Variants in PRL observed in about 807,000 individuals in gnomAD.
PRL encodes the protein prolactin, also known as decidual prolactin.
Under a neutral mutation model 21.3 loss-of-function variants are expected in PRL, and 24 were observed. The observed-to-expected ratio is 1.13, with a 90% CI of 0.82 to 1.59. The LOEUF (loss-of-function observed/expected upper bound fraction) is 1.59. Ranked by LOEUF, PRL falls within the 40% of genes most tolerant of loss-of-function variation. The pLI is 0.00. For missense variants in PRL, 243 were observed against 286.9 expected (o/e 0.85, Z 1.10); for synonymous variants, 118 against 115.7 (o/e 1.02, Z -0.13).
chr6:22,294,851 C>T (rs938676469), intron 1 of PRL, among the ~76,000 whole-genome samples: 10 of 152,196 alleles, frequency 6.6e-5, no homozygotes, highest in African/African-American at 1.9e-4. Flanking sequence ...ACTTTCCAAA[C>T]ATTTGGAGCT....
upstream of PRL, among the ~76,000 whole-genome samples, chr6:22,300,710 C>G (rs944820714): frequency 1.3e-5 from 2 of 152,098 alleles, no homozygotes; most frequent in Non-Finnish European, 2.9e-5. Context: ...CATCAGTTTC[C>G]CTCAGTGAAT....
chr6:22,296,998 AGGAAACACACTTCACCAGAGAAGATCT>A lies in PRL; in HGVS notation c.-43_-17del. On this transcript the variant is annotated 5_prime_UTR_variant, in exon 1 of 5. Transcript: ENST00000306482. Reference sequence around the variant, plus strand: ...TGATGTTCATGTTCGTGATCGTTGCAGGAAACACACTTCACCAGAGAAGATCTGGAAGTCTCACGGTTTTCTCTTTCC... The same window carrying A: ...TGATGTTCATGTTCGTGATCGTTGCAGGAAGTCTCACGGTTTTCTCTTTCC... The A allele has an allele frequency of 6.2e-7, 1 of 1,613,898 alleles. No homozygotes were observed. Among genetic ancestry groups the A allele is most frequent in the Non-Finnish European group, 8.5e-7 (1 of 1,179,868 alleles).
upstream of PRL, among the ~76,000 whole-genome samples, chr6:22,300,673 G>A (rs1761267446): frequency 6.6e-6 from 1 of 152,190 alleles, no homozygotes; most frequent in South Asian, 2.1e-4. Context: ...CATGTTCAGT[G>A]TTTGTTTTTG....
upstream of PRL, among the ~76,000 whole-genome samples, chr6:22,301,179 C>T (rs1031916958): frequency 3.9e-5 from 6 of 152,206 alleles, no homozygotes; most frequent in Admixed American, 1.3e-4. Context: ...TGAAGCATGC[C>T]TACTTCTAGC....
chr6:22,297,213 C>T, upstream of PRL: 1 of 557,312 alleles, frequency 1.8e-6, no homozygotes, highest in Non-Finnish European at 3.2e-6. Context: ...GACATACTGG[C>T]CAGAAATGAA....
intron 3 of PRL, among the ~76,000 whole-genome samples, chr6:22,292,161 C>T (rs987915350): frequency 1.3e-5 from 2 of 152,078 alleles, no homozygotes; most frequent in Non-Finnish European, 2.9e-5. Flanking sequence ...GTAGGAGTCA[C>T]GAGTAATATG....
upstream of PRL, among the ~76,000 whole-genome samples, chr6:22,298,116 C>T (rs984101444): frequency 6.6e-6 from 1 of 152,112 alleles, no homozygotes; most frequent in Non-Finnish European, 1.5e-5. Flanking sequence ...TCTGGTATAC[C>T]ATGTAATAAA....
rs987658456 is a variant in PRL at position 22,288,790 on chromosome 6, C to T, written c.493-1197G>A. ...TAGGTATATATCTGGATGTAGACGC[C>T]GATCTGCTAAACCTTTTCCTACAAA... On this transcript the variant is annotated intron_variant, in intron 4 of 4. Coordinates refer to ENST00000306482, the MANE Select transcript of PRL (RefSeq NM_000948.6). This position sits in a 1 kb window ranked among gnomAD's most constrained non-coding sequence, Gnocchi z 4.5. Among the ~76,000 whole-genome samples, 6 of 152,252 alleles carry T rather than the reference C, an allele frequency of 3.9e-5. No individual in the cohort carries two copies. The highest frequency in any genetic ancestry group is 3.9e-4 in the East Asian group (2 of 5,166).
chr6:22,290,071 T>C (rs1402197054), intron 4 of PRL, 103 bp downstream of exon 4: 4 of 1,152,024 alleles, frequency 3.5e-6, no homozygotes, highest in East Asian at 2.5e-5. Flanking sequence ...GTCTATAATA[T>C]GGAATGCCTA....
Sources: allele counts gnomAD v4.1 joint callset (sites outside exome capture counted in the v4.1 genomes callset), GRCh38; gene constraint gnomAD v4.1.1; non-coding constraint Gnocchi (gnomAD v3.1); transcripts MANE v1.5; gene names NCBI Gene and HGNC (gene_info 2026-07-23, HGNC 2026-07-21).